RBFOX1: variants seen among roughly 807,000 people sequenced by gnomAD.
RBFOX1 encodes the protein RNA binding fox-1 homolog 1.
RBFOX1 carries 8 observed loss-of-function variants against 57.7 expected under a neutral mutation model. That is an observed-to-expected ratio of 0.14 (90% CI 0.08 to 0.25). The LOEUF is 0.25. Among genes scored for constraint, RBFOX1 ranks in the 10% least tolerant of loss-of-function variants. RBFOX1 has a pLI of 1.00. For missense variants in RBFOX1, 611 were observed against 548.5 expected (o/e 1.11, Z -1.14); for synonymous variants, 326 against 222.4 (o/e 1.47, Z -4.15).
At chr16:5,636,303 G>A (rs941510481) in intron 3 of RBFOX1, among the ~76,000 whole-genome samples, 4 of 152,166 alleles carry the variant, frequency 2.6e-5, no homozygotes, top group Non-Finnish European at 5.9e-5. Context: ...AGCCAAGATT[G>A]CGCCATTTCA....
rs528881509 is a variant in RBFOX1, at chr16:7,496,322, T to C, written c.28-21825T>C. Among the ~76,000 whole-genome samples, 44 of 152,272 alleles carry C rather than the reference T, an allele frequency of 2.9e-4. No homozygotes were observed. The South Asian group carries it at 3.5e-3, about 12-fold the overall frequency. On this transcript the variant is annotated intron_variant, in intron 4 of 15. Transcript: ENST00000550418. ...CACATCTGTCTAATTTTTGTATTTT[T>C]AGTAGGGATGGGGTTTCATCATGTT...
chr16:6,946,547 C>A (rs1289557161), intron 3 of RBFOX1, among the ~76,000 whole-genome samples: 2 of 152,176 alleles, frequency 1.3e-5, no homozygotes, highest in Admixed American at 6.5e-5. Context: ...AACCTTCTTT[C>A]ATAAAAGCTT....
chr16:7,223,704 G>A (rs1318424144), intron 4 of RBFOX1, among the ~76,000 whole-genome samples: 2 of 125,604 alleles, frequency 1.6e-5, no homozygotes, highest in Non-Finnish European at 3.3e-5. Flanking sequence ...TATGCCGTCA[G>A]TGTTTCAGAA....
intron 1 of RBFOX1, among the ~76,000 whole-genome samples, chr16:6,306,086 G>T (rs929816560): frequency 6.6e-6 from 1 of 152,200 alleles, no homozygotes; most frequent in Non-Finnish European, 1.5e-5. Flanking sequence ...GTTGAGTGCA[G>T]AGTATTTGGT....
chr16:6,594,040 A>G (rs1258183377), intron 2 of RBFOX1, among the ~76,000 whole-genome samples: 1 of 152,160 alleles, frequency 6.6e-6, no homozygotes, highest in South Asian at 2.1e-4. Flanking sequence ...TTAACTACCC[A>G]GGGAACATCA....
intron 2 of RBFOX1, among the ~76,000 whole-genome samples, chr16:5,469,916 G>A (rs1465273704): frequency 6.6e-6 from 1 of 152,192 alleles, no homozygotes; most frequent in African/African-American, 2.4e-5. Flanking sequence ...AATTTGGGTT[G>A]TGTCTACCTT....
At chr16:5,899,344 C>G (rs181685252) in intron 4 of RBFOX1, among the ~76,000 whole-genome samples, 60 of 152,190 alleles carry the variant, frequency 3.9e-4, no homozygotes, top group African/African-American at 1.4e-3. Context: ...CATGCAGAAG[C>G]TGTCCATTAT....
Position 7,237,165 on chromosome 16 carries a change from G to A in RBFOX1, c.27+185067G>A, listed in dbSNP as rs143192755. On this transcript the variant is annotated intron_variant, in intron 4 of 15. Transcript: ENST00000550418. ...CCAAATGTCATTGGGATAGGCCAGC[G>A]TGCCAGATGCCATCACAGAAAATAA... Among the ~76,000 whole-genome samples, 10 of 152,302 alleles carry A rather than the reference G, an allele frequency of 6.6e-5. No homozygotes were observed. In the East Asian group the frequency reaches 1.5e-3, roughly 24 times the overall value.
At chr16:5,343,167 C>T (rs77894956) in intron 1 of RBFOX1, among the ~76,000 whole-genome samples, 1 of 152,114 alleles carries the variant, frequency 6.6e-6, no homozygotes, top group South Asian at 2.1e-4. Context: ...CATTCATTGG[C>T]TACTCAAGAT....
At chr16:6,813,683 T>A (rs1308107935) in intron 3 of RBFOX1, among the ~76,000 whole-genome samples, 2 of 152,152 alleles carry the variant, frequency 1.3e-5, no homozygotes, top group East Asian at 1.9e-4. Context: ...TTATCACCTT[T>A]CCAAGTCCCA....
chr16:5,814,497 A>G (rs1170618503), intron 3 of RBFOX1, among the ~76,000 whole-genome samples: 1 of 152,194 alleles, frequency 6.6e-6, no homozygotes, highest in Non-Finnish European at 1.5e-5. Flanking sequence ...CTTCCCCAGA[A>G]TTCCATCAAT....
intron 4 of RBFOX1, among the ~76,000 whole-genome samples, chr16:7,448,467 G>C (rs958152589): frequency 6.6e-6 from 1 of 152,100 alleles, no homozygotes; most frequent in African/African-American, 2.4e-5. Flanking sequence ...GTGTATGCAG[G>C]GCAGCTTCCC....
intron 3 of RBFOX1, among the ~76,000 whole-genome samples, chr16:6,791,798 G>A (rs774801943): frequency 3.9e-5 from 6 of 152,038 alleles, no homozygotes; most frequent in Non-Finnish European, 8.8e-5. Flanking sequence ...CCCTTTGAGT[G>A]GCATCCCTGT....
chr16:5,921,988 C>CA (rs59484014), intron 4 of RBFOX1, among the ~76,000 whole-genome samples: 18,497 of 144,302 alleles, frequency 0.13, 2,264 homozygotes, highest in African/African-American at 0.32. Context: ...GCCATCTTCA[C>CA]AAAAAAAAAA....
At chr16:6,148,316 G>C (rs945083728) in intron 1 of RBFOX1, among the ~76,000 whole-genome samples, 3 of 152,216 alleles carry the variant, frequency 2.0e-5, no homozygotes, top group African/African-American at 7.2e-5. Flanking sequence ...GACGGAGTGA[G>C]ACTCCGTCTC....
intron 4 of RBFOX1, among the ~76,000 whole-genome samples, chr16:7,157,681 G>A (rs2077433149): frequency 1.3e-5 from 2 of 152,142 alleles, no homozygotes; most frequent in African/African-American, 2.4e-5. Context: ...ACACGCCATA[G>A]CCACTCTACA....
chr16:6,195,442 G>A (rs1254666036), intron 1 of RBFOX1, among the ~76,000 whole-genome samples: 1 of 152,194 alleles, frequency 6.6e-6, no homozygotes, highest in Non-Finnish European at 1.5e-5. Flanking sequence ...AATGGGCCGG[G>A]CGCAGTGGCT....
At chr16:6,952,517 A>C (rs935077775) in intron 3 of RBFOX1, among the ~76,000 whole-genome samples, 23 of 152,076 alleles carry the variant, frequency 1.5e-4, no homozygotes, top group African/African-American at 5.5e-4. Context: ...GCACACCTGT[A>C]GTCCCACCTA....
At chr16:7,129,278 G>C (rs915225363) in intron 4 of RBFOX1, among the ~76,000 whole-genome samples, 7 of 152,024 alleles carry the variant, frequency 4.6e-5, no homozygotes, top group Admixed American at 3.3e-4. Context: ...AATCATTTTG[G>C]CCAGGAAAAC....
Sources: allele counts gnomAD v4.1 joint callset (sites outside exome capture counted in the v4.1 genomes callset), GRCh38; gene constraint gnomAD v4.1.1; transcripts MANE v1.5; gene names NCBI Gene and HGNC (gene_info 2026-07-23, HGNC 2026-07-21).